RPS6KC1: variants seen among roughly 807,000 people sequenced by gnomAD.
RPS6KC1 encodes inactive ribosomal protein S6 kinase delta-1.
RPS6KC1 carries 54 observed loss-of-function variants against 103.8 expected under a neutral mutation model. The ratio of observed to expected loss-of-function variants is 0.52; its 90% CI spans 0.42 to 0.65. RPS6KC1 has a LOEUF of 0.65. Among genes scored for constraint, RPS6KC1 ranks in the 30% least tolerant of loss-of-function variants. The probability of loss-of-function intolerance (pLI) is 0.00; values close to 1 mark genes in which losing one functional copy is unlikely to be tolerated. For missense variants in RPS6KC1, 1,151 were observed against 1,253.8 expected (o/e 0.92, Z 1.24); for synonymous variants, 439 against 438.7 (o/e 1.00, Z -0.01).
chr1:213,244,277 AT>A (rs2094417030), intron 12 of RPS6KC1, among the ~76,000 whole-genome samples: 1 of 151,904 alleles, frequency 6.6e-6, no homozygotes, highest in Non-Finnish European at 1.5e-5. Flanking sequence ...TTAGAAATAT[AT>A]TTGTTAATTA....
At chr1:213,788,586 T>C in the RPS6KC1 span, among the ~76,000 whole-genome samples, 1 of 152,074 alleles carries the variant, frequency 6.6e-6, no homozygotes, top group African/African-American at 2.4e-5. Context: ...ATGCAGCAGC[T>C]GTGATGGAAA....
chr1:213,641,169 T>A, the RPS6KC1 span, among the ~76,000 whole-genome samples: 1 of 152,042 alleles, frequency 6.6e-6, no homozygotes, highest in Non-Finnish European at 1.5e-5. Context: ...TTACCATTTT[T>A]TTTCTAGAGT....
At chr1:213,779,228 C>T in the RPS6KC1 span, among the ~76,000 whole-genome samples, 19 of 152,252 alleles carry the variant, frequency 1.2e-4, no homozygotes, top group African/African-American at 4.6e-4. Context: ...TATGCCACGG[C>T]CCTGAGTGCC....
At chr1:213,343,417 A>G in the RPS6KC1 span, among the ~76,000 whole-genome samples, 64 of 71,754 alleles carry the variant, frequency 8.9e-4, 3 homozygotes, top group African/African-American at 2.3e-3. Flanking sequence ...ATATATATAT[A>G]TATATATATA....
At chr1:213,055,803 C>T (rs1013134426) in intron 1 of RPS6KC1, among the ~76,000 whole-genome samples, 2 of 152,168 alleles carry the variant, frequency 1.3e-5, no homozygotes, top group Admixed American at 1.3e-4. Flanking sequence ...ATAATATTGT[C>T]TCTGATCCAT....
At chr1:213,285,646 T>TTGG in the RPS6KC1 span, among the ~76,000 whole-genome samples, 1 of 152,284 alleles carries the variant, frequency 6.6e-6, no homozygotes, top group East Asian at 1.9e-4. Context: ...TTTGGTAATC[T>TTGG]TGGTGGTGGT....
At chr1:213,532,034 C>T in the RPS6KC1 span, among the ~76,000 whole-genome samples, 1 of 152,216 alleles carries the variant, frequency 6.6e-6, no homozygotes, top group Non-Finnish European at 1.5e-5. Flanking sequence ...GGAGAGTCAA[C>T]AGGTGTGAAC....
chr1:213,454,430 A>C, the RPS6KC1 span, among the ~76,000 whole-genome samples: 10 of 152,346 alleles, frequency 6.6e-5, no homozygotes, highest in Admixed American at 3.3e-4. Context: ...GCAATGTAAC[A>C]ATGTAACATA....
the RPS6KC1 span, among the ~76,000 whole-genome samples, chr1:213,619,604 G>A: frequency 1.3e-5 from 2 of 152,214 alleles, no homozygotes; most frequent in Non-Finnish European, 2.9e-5. Context: ...TGGGGATTAG[G>A]AAGGTCTCAG....
chr1:213,250,152 C>T (rs988975422), intron 12 of RPS6KC1, among the ~76,000 whole-genome samples: 3 of 152,198 alleles, frequency 2.0e-5, no homozygotes, highest in Admixed American at 6.5e-5. Context: ...TGGCAGGAAG[C>T]GAGGCTAGAG....
At chr1:213,795,393 T>G in the RPS6KC1 span, among the ~76,000 whole-genome samples, 1 of 152,336 alleles carries the variant, frequency 6.6e-6, no homozygotes, top group South Asian at 2.1e-4. Context: ...TTCCTTTTGC[T>G]ACAGAAAAGC....
At chr1:213,846,774 G>T in the RPS6KC1 span, among the ~76,000 whole-genome samples, 2 of 151,994 alleles carry the variant, frequency 1.3e-5, no homozygotes, top group Non-Finnish European at 2.9e-5. Context: ...TCTTTCAATC[G>T]TCTCAATAAT....
At chr1:213,265,292 A>T (rs1202369896) in intron 14 of RPS6KC1, among the ~76,000 whole-genome samples, 1 of 152,228 alleles carries the variant, frequency 6.6e-6, no homozygotes, top group Non-Finnish European at 1.5e-5. Flanking sequence ...CTATAGATTT[A>T]TACTTGCAGA....
chr1:213,401,502 A>G, the RPS6KC1 span, among the ~76,000 whole-genome samples: 4 of 152,182 alleles, frequency 2.6e-5, no homozygotes, highest in Non-Finnish European at 5.9e-5. Context: ...TGTGCTGTCT[A>G]TGTTCTCCTG....
intron 8 of RPS6KC1, among the ~76,000 whole-genome samples, chr1:213,209,913 G>A (rs755809085): frequency 6.6e-6 from 1 of 152,066 alleles, no homozygotes; most frequent in Non-Finnish European, 1.5e-5. Flanking sequence ...CAACCTACAG[G>A]CATTGCCATG....
chr1:213,809,327 A>T, the RPS6KC1 span, among the ~76,000 whole-genome samples: 5 of 152,132 alleles, frequency 3.3e-5, no homozygotes, highest in Admixed American at 2.0e-4. Context: ...CCCCCCTCAA[A>T]ATTACTATAG....
the RPS6KC1 span, among the ~76,000 whole-genome samples, chr1:213,468,467 T>G: frequency 6.6e-6 from 1 of 152,220 alleles, no homozygotes; most frequent in East Asian, 1.9e-4. Context: ...TCAGGCTCAT[T>G]CATACATTAT....
the RPS6KC1 span, among the ~76,000 whole-genome samples, chr1:213,452,444 C>G: frequency 2.0e-5 from 3 of 151,850 alleles, no homozygotes; most frequent in African/African-American, 4.8e-5. Flanking sequence ...ACTTTTTTCC[C>G]TTTCTTCTTT....
the RPS6KC1 span, among the ~76,000 whole-genome samples, chr1:213,421,777 T>C: frequency 6.6e-6 from 1 of 152,222 alleles, no homozygotes; most frequent in Non-Finnish European, 1.5e-5. Context: ...GAAAGGTTGT[T>C]ACCATCCTGG....
Sources: gnomAD v4.1 joint callset for allele counts (sites outside exome capture counted in the v4.1 genomes callset) on GRCh38, gnomAD v4.1.1 for gene constraint, MANE v1.5 for transcripts, NCBI Gene and HGNC (gene_info 2026-07-23, HGNC 2026-07-21) for gene names.